Variants in WDFY2 observed in about 807,000 individuals in gnomAD.
The protein encoded by WDFY2 is WD repeat and FYVE domain-containing protein 2.
WDFY2 carries 36 observed loss-of-function variants against 56.4 expected under a neutral mutation model. That is an observed-to-expected ratio of 0.64 (90% confidence interval 0.49 to 0.84). The LOEUF is 0.84. Among genes scored for constraint, WDFY2 ranks in the 40% least tolerant of loss-of-function variants. WDFY2 has a pLI of 0.00. For synonymous variants in WDFY2, 176 were observed against 183.7 expected (o/e 0.96, Z 0.34); for missense variants, 444 against 512.2 (o/e 0.87, Z 1.29).
chr13:51,728,823 C>T (rs900430352), intron 6 of WDFY2, among the ~76,000 whole-genome samples: 8 of 151,836 alleles, frequency 5.3e-5, no homozygotes, highest in African/African-American at 1.2e-4. Context: ...CTTTTTTAGC[C>T]GCTTACACCC....
intron 3 of WDFY2, among the ~76,000 whole-genome samples, chr13:51,685,342 A>G (rs918735448): frequency 5.9e-5 from 9 of 152,196 alleles, no homozygotes; most frequent in African/African-American, 2.2e-4. Context: ...ACCTTTGAAC[A>G]ATGTGGGGGT....
intron 1 of WDFY2, among the ~76,000 whole-genome samples, chr13:51,641,109 G>C (rs1955146393): frequency 6.6e-6 from 1 of 152,046 alleles, no homozygotes; most frequent in African/African-American, 2.4e-5. Context: ...GTCTCACTCT[G>C]TTGCCCAGGC....
At chr13:51,717,229 T>A (rs1359838963) in intron 4 of WDFY2, among the ~76,000 whole-genome samples, 1 of 152,078 alleles carries the variant, frequency 6.6e-6, no homozygotes, top group African/African-American at 2.4e-5. Context: ...ATCTTTGAAA[T>A]TTTTTTTCAA....
intron 3 of WDFY2, among the ~76,000 whole-genome samples, chr13:51,698,819 A>T (rs537879567): frequency 6.6e-6 from 1 of 152,258 alleles, no homozygotes; most frequent in Non-Finnish European, 1.5e-5. Flanking sequence ...AGTAAAAAAA[A>T]TAAAACATTT....
At chr13:51,656,325 T>G (rs975932715) in intron 1 of WDFY2, among the ~76,000 whole-genome samples, 1 of 152,152 alleles carries the variant, frequency 6.6e-6, no homozygotes, top group East Asian at 1.9e-4. Flanking sequence ...GTTATTGATT[T>G]TAGCCTTATT....
chr13:51,654,186 C>T (rs371954921), intron 1 of WDFY2, among the ~76,000 whole-genome samples: 103 of 152,312 alleles, frequency 6.8e-4, no homozygotes, highest in African/African-American at 2.2e-3. Context: ...GCTCCGTGGG[C>T]GTAGGACCCT....
intron 1 of WDFY2, among the ~76,000 whole-genome samples, chr13:51,646,115 T>C (rs926496692): frequency 1.3e-5 from 2 of 152,178 alleles, no homozygotes; most frequent in African/African-American, 4.8e-5. Flanking sequence ...GCCTACATCC[T>C]CCAAACTGGT....
At chr13:51,734,240 T>C (rs115562005) in intron 6 of WDFY2, among the ~76,000 whole-genome samples, 180 of 152,290 alleles carry the variant, frequency 1.2e-3, no homozygotes, top group African/African-American at 3.5e-3. Context: ...AAAAAAAAAT[T>C]AGTTCCCTAA....
Position 51,764,694 on chromosome 13 carries a change from T to TTTTTC in WDFY2, c.*4929_*4933dup, listed in dbSNP as rs1371627720. On this transcript the variant is annotated 3_prime_UTR_variant, in exon 12 of 12. Transcript: ENST00000298125. ...TTTATATTATAATAGTATCAGTTTC[T>TTTTTC]TTTTCTTTGGAAATCCCTAGAACTG... 6.6e-6 allele frequency: 1 copy of TTTTTC among 152,220 alleles called. No homozygotes were observed. Among genetic ancestry groups the TTTTTC allele is most frequent in the Non-Finnish European group, 1.5e-5 (1 of 68,046 alleles). The allele number at this position is 152,220 out of a possible 1,614,324, so 9.4% of individuals were successfully genotyped here. A position where few individuals can be genotyped will look rare whatever the true frequency, so the allele number is the denominator to read the frequency against.
At chr13:51,605,585 C>G (rs891765336) in intron 1 of WDFY2, among the ~76,000 whole-genome samples, 1 of 152,016 alleles carries the variant, frequency 6.6e-6, no homozygotes, top group African/African-American at 2.4e-5. Flanking sequence ...AATACCCTGT[C>G]AGAAATTTAG....
chr13:51,635,685 G>A (rs1191718572), intron 1 of WDFY2, among the ~76,000 whole-genome samples: 1 of 152,152 alleles, frequency 6.6e-6, no homozygotes, highest in Non-Finnish European at 1.5e-5. Context: ...AGACAGGTGA[G>A]GGTCTCCACA....
chr13:51,720,008 C>G (rs1339249286), intron 5 of WDFY2, among the ~76,000 whole-genome samples: 1 of 152,156 alleles, frequency 6.6e-6, no homozygotes, highest in Non-Finnish European at 1.5e-5. Flanking sequence ...ACAGTATTGA[C>G]TAGTGTGTAG....
At chr13:51,639,022 A>G (rs993118666) in intron 1 of WDFY2, among the ~76,000 whole-genome samples, 15 of 152,190 alleles carry the variant, frequency 9.9e-5, no homozygotes, top group Non-Finnish European at 1.0e-4. Flanking sequence ...TTCTGTTTCT[A>G]TGGCTTCTCT....
chr13:51,633,051 C>T (rs1364109352), intron 1 of WDFY2, among the ~76,000 whole-genome samples: 1 of 152,214 alleles, frequency 6.6e-6, no homozygotes, highest in Non-Finnish European at 1.5e-5. Context: ...CAGTGGGAGA[C>T]AACTGCAGGG....
intron 1 of WDFY2, among the ~76,000 whole-genome samples, chr13:51,643,906 A>T (rs1257707065): frequency 6.6e-6 from 1 of 152,240 alleles, no homozygotes; most frequent in Non-Finnish European, 1.5e-5. Context: ...AAATGTTTGA[A>T]TCTTTATTCA....
At chr13:51,669,085 C>T (rs1043994819) in intron 2 of WDFY2, among the ~76,000 whole-genome samples, 1 of 152,000 alleles carries the variant, frequency 6.6e-6, no homozygotes, top group African/African-American at 2.4e-5. Context: ...AGTCACTTTC[C>T]CTCTAATCCA....
intron 6 of WDFY2, among the ~76,000 whole-genome samples, chr13:51,736,828 G>T (rs1006054289): frequency 6.6e-6 from 1 of 152,066 alleles, no homozygotes; most frequent in African/African-American, 2.4e-5. Flanking sequence ...GGTATATATC[G>T]GTCAGGGAAG....
At chr13:51,759,294 CGT>C (rs1187944790) in intron 11 of WDFY2, among the ~76,000 whole-genome samples, 1 of 152,040 alleles carries the variant, frequency 6.6e-6, no homozygotes, top group Non-Finnish European at 1.5e-5. Flanking sequence ...GGACACAGCA[CGT>C]GCTTGGCGTC....
At chr13:51,640,765 G>A (rs779498486) in intron 1 of WDFY2, among the ~76,000 whole-genome samples, 10 of 150,736 alleles carry the variant, frequency 6.6e-5, no homozygotes, top group African/African-American at 1.7e-4. Flanking sequence ...CAGGAGAATC[G>A]CTTGAACCCA....
Sources: allele counts gnomAD v4.1 joint callset (sites outside exome capture counted in the v4.1 genomes callset), GRCh38; gene constraint gnomAD v4.1.1; transcripts MANE v1.5; gene names NCBI Gene and HGNC (gene_info 2026-07-23, HGNC 2026-07-21).